Variants in CSMD1 observed in about 807,000 individuals in gnomAD.
CSMD1 encodes the protein CUB and Sushi multiple domains 1, also known as CUB and sushi domain-containing protein 1.
A neutral mutation model predicts 417.5 loss-of-function variants in CSMD1; 213 were observed. The observed-to-expected ratio is 0.51, with a 90% confidence interval of 0.46 to 0.57. The LOEUF is 0.57. Ranked by LOEUF, CSMD1 falls within the 20% of genes least tolerant of loss-of-function variation. The pLI, the probability that CSMD1 is intolerant of heterozygous loss-of-function variation, is 0.00. For synonymous variants in CSMD1, 2,862 were observed against 1,736.8 expected, an observed-to-expected ratio of 1.65 and a Z score of -16.11; for missense variants, 6,923 against 4,529.7, an observed-to-expected ratio of 1.53 and a Z score of -15.17.
At chr8:3,684,348 T>A (rs1425381936) in intron 7 of CSMD1, among the ~76,000 whole-genome samples, 1 of 146,416 alleles carries the variant, frequency 6.8e-6, no homozygotes, top group Non-Finnish European at 1.5e-5. Context: ...ATATAAAACA[T>A]ACAAGCATGT....
At chr8:3,128,986 G>C in intron 41 of CSMD1, 1 of 392,894 alleles carries the variant, frequency 2.5e-6, no homozygotes, top group South Asian at 1.9e-5. Flanking sequence ...CTAGCATGGA[G>C]TTAAGTGTGA....
intron 6 of CSMD1, among the ~76,000 whole-genome samples, chr8:3,736,168 C>A (rs534518311): frequency 6.6e-6 from 1 of 152,266 alleles, no homozygotes; most frequent in African/African-American, 2.4e-5. Flanking sequence ...ATCACATCTG[C>A]GTCTAATCAT....
chr8:4,861,658 G>C (rs1252505244), intron 1 of CSMD1, among the ~76,000 whole-genome samples: 1 of 152,066 alleles, frequency 6.6e-6, no homozygotes, highest in Non-Finnish European at 1.5e-5. Context: ...AAACTTTGTG[G>C]TATTTTCTAC....
At chr8:3,438,992 G>T (rs1029655306) in intron 12 of CSMD1, among the ~76,000 whole-genome samples, 3 of 150,864 alleles carry the variant, frequency 2.0e-5, no homozygotes, top group Non-Finnish European at 4.4e-5. Context: ...GTGGGCACCT[G>T]TAATCCCAAA....
At chr8:4,942,499 T>A (rs1237844793) in intron 1 of CSMD1, among the ~76,000 whole-genome samples, 2 of 152,368 alleles carry the variant, frequency 1.3e-5, no homozygotes, top group East Asian at 3.9e-4. Context: ...TTATATTTGT[T>A]AAATTCATTT....
intron 3 of CSMD1, among the ~76,000 whole-genome samples, chr8:4,317,158 C>A (rs1225349508): frequency 1.3e-5 from 2 of 152,138 alleles, no homozygotes; most frequent in Non-Finnish European, 2.9e-5. Flanking sequence ...ATCCCCAAAT[C>A]CCTTGTAAAG....
At chr8:3,405,417 A>C (rs889563666) in intron 15 of CSMD1, among the ~76,000 whole-genome samples, 1 of 152,188 alleles carries the variant, frequency 6.6e-6, no homozygotes, top group East Asian at 1.9e-4. Context: ...ATGAAGAAGA[A>C]AATTAGGTGG....
At position 3,727,877 on chromosome 8, in the gene CSMD1, G is replaced by C. The variant is rs543493015; in HGVS notation, c.932-19386C>G. ...TGCCTGTCACAAAAGGACAAATACT[G>C]TATGATTTCATCGATAATTAGATAC... On this transcript the variant is annotated intron_variant, in intron 6 of 69. Coordinates refer to ENST00000635120, the MANE Select transcript of CSMD1 (RefSeq NM_033225.6). Among the ~76,000 whole-genome samples the C allele has an allele frequency of 2.0e-5, 3 of 152,178 alleles. No individual in the cohort carries two copies. The South Asian group carries it at 6.3e-4, about 32-fold the overall frequency.
intron 11 of CSMD1, among the ~76,000 whole-genome samples, chr8:3,486,380 T>C (rs1818036313): frequency 6.6e-6 from 1 of 152,232 alleles, no homozygotes; most frequent in African/African-American, 2.4e-5. Context: ...ATTGTTTTAA[T>C]GGACTTATCT....
chr8:4,950,297 T>C (rs1024006222), intron 1 of CSMD1, among the ~76,000 whole-genome samples: 2 of 152,180 alleles, frequency 1.3e-5, no homozygotes, highest in African/African-American at 4.8e-5. Context: ...TTCTGATTAG[T>C]AAGTAAATGA....
At chr8:4,262,796 C>T (rs1296426738) in intron 3 of CSMD1, among the ~76,000 whole-genome samples, 1 of 152,180 alleles carries the variant, frequency 6.6e-6, no homozygotes, top group Non-Finnish European at 1.5e-5. Flanking sequence ...GTATGTTCCA[C>T]CAGATACCCA....
intron 3 of CSMD1, among the ~76,000 whole-genome samples, chr8:4,112,157 A>C (rs953679958): frequency 2.6e-5 from 4 of 152,216 alleles, no homozygotes; most frequent in African/African-American, 7.2e-5. Context: ...CCAGAGCTTA[A>C]AAGAGCTGGG....
chr8:4,497,338 A>G (rs1320793710), intron 2 of CSMD1, among the ~76,000 whole-genome samples: 1 of 152,184 alleles, frequency 6.6e-6, no homozygotes, highest in Non-Finnish European at 1.5e-5. Context: ...AAGTAAATCT[A>G]TTTATATAGC....
chr8:3,856,757 T>A (rs942590921), intron 5 of CSMD1, among the ~76,000 whole-genome samples: 3 of 152,182 alleles, frequency 2.0e-5, no homozygotes, highest in African/African-American at 7.2e-5. Context: ...TTTGCCATGG[T>A]GTCTTTGTCT....
intron 1 of CSMD1, among the ~76,000 whole-genome samples, chr8:4,686,893 C>A (rs1204319930): frequency 6.6e-6 from 1 of 152,150 alleles, no homozygotes; most frequent in Non-Finnish European, 1.5e-5. Context: ...CAAGACCAGA[C>A]AGAGGTGGAT....
At chr8:4,283,916 GCAAATCTGGACACAC>G (rs1296923888) in intron 3 of CSMD1, among the ~76,000 whole-genome samples, 1 of 152,130 alleles carries the variant, frequency 6.6e-6, no homozygotes, top group African/African-American at 2.4e-5. Context: ...TAGAATGTTT[GCAAATCTGGACACAC>G]CATTATTAAC....
At chr8:4,957,353 G>C (rs1283694300) in intron 1 of CSMD1, among the ~76,000 whole-genome samples, 1 of 152,118 alleles carries the variant, frequency 6.6e-6, no homozygotes, top group South Asian at 2.1e-4. Context: ...GAGCACATTT[G>C]GCAGTTTGTG....
chr8:3,542,500 A>G (rs112136526), intron 10 of CSMD1, among the ~76,000 whole-genome samples: 4,566 of 152,314 alleles, frequency 0.03, 106 homozygotes, highest in Non-Finnish European at 0.046. Flanking sequence ...AAAGCAATAA[A>G]TCAGTGACTA....
intron 1 of CSMD1, among the ~76,000 whole-genome samples, chr8:4,832,164 G>A (rs563722556): frequency 6.6e-6 from 1 of 152,220 alleles, no homozygotes; most frequent in South Asian, 2.1e-4. Flanking sequence ...TTACACTCAC[G>A]TACATCAGCA....
Sources: gnomAD v4.1 joint callset for allele counts (sites outside exome capture counted in the v4.1 genomes callset) on GRCh38, gnomAD v4.1.1 for gene constraint, MANE v1.5 for transcripts, NCBI Gene and HGNC (gene_info 2026-07-23, HGNC 2026-07-21) for gene names.